EYS: variants seen among roughly 807,000 people sequenced by gnomAD.
The protein encoded by EYS is protein eyes shut homolog.
A neutral mutation model predicts 282.1 loss-of-function variants in EYS; 250 were observed. The observed-to-expected ratio is 0.89, with a 90% CI of 0.80 to 0.98. EYS has a LOEUF of 0.98. Among genes scored for constraint, EYS ranks in the 50% least tolerant of loss-of-function variants. The pLI, the probability that EYS is intolerant of heterozygous loss-of-function variation, is 0.00. For synonymous variants in EYS, 1,355 were observed against 1,282.9 expected, an observed-to-expected ratio of 1.06 and a Z score of -1.20; for missense variants, 4,016 against 3,709.0, an observed-to-expected ratio of 1.08 and a Z score of -2.15.
At chr6:64,096,727 C>T (rs777535170) in intron 31 of EYS, among the ~76,000 whole-genome samples, 2 of 152,062 alleles carry the variant, frequency 1.3e-5, no homozygotes, top group Admixed American at 6.6e-5. Flanking sequence ...GTAGTTTGAT[C>T]GTCTGAAGCC....
At chr6:65,248,717 G>GT (rs1767243856) in intron 12 of EYS, among the ~76,000 whole-genome samples, 1 of 151,824 alleles carries the variant, frequency 6.6e-6, no homozygotes, top group African/African-American at 2.4e-5. Context: ...TTAGGGTGAC[G>GT]TATATTCAAG....
chr6:64,831,589 T>C (rs936741893), intron 19 of EYS, among the ~76,000 whole-genome samples: 2 of 151,890 alleles, frequency 1.3e-5, no homozygotes, highest in Admixed American at 6.6e-5. Context: ...ATGATGATAA[T>C]GATGTTCATT....
rs765596305 is a variant in EYS, at chr6:65,565,244, CAAAAAAAAAAAAAA to C, written c.-332-69265_-332-69252del. ...TGGGCGACAGAGCGAGACTCCGTCT[CAAAAAAAAAAAAAA>C]AAAAAAAAAAAAAAAAAAAGTGGGT... On this transcript the variant is annotated intron_variant, in intron 2 of 42. Coordinates refer to ENST00000503581, the MANE Select transcript of EYS (RefSeq NM_001142800.2). Among the ~76,000 whole-genome samples the C allele has an allele frequency of 1.9e-3, 3 of 1,618 alleles. 1 individual carries two copies. The highest frequency in any genetic ancestry group is 0.17 in the South Asian group (2 of 12). The allele number at this position is 1,618 out of a possible 152,430, so 1.1% of individuals were successfully genotyped here. A position where few individuals can be genotyped will look rare whatever the true frequency, so the allele number is the denominator to read the frequency against.
At chr6:64,408,402 A>G (rs1371768283) in intron 28 of EYS, among the ~76,000 whole-genome samples, 1 of 152,172 alleles carries the variant, frequency 6.6e-6, no homozygotes, top group East Asian at 1.9e-4. Flanking sequence ...TAAGAACAAC[A>G]TGAAGGACAA....
intron 39 of EYS, chr6:63,779,224 C>G (rs1409481167): frequency 6.6e-6 from 1 of 151,376 alleles, no homozygotes; most frequent in Admixed American, 6.6e-5. Flanking sequence ...TTTGGGAGGC[C>G]GAGGCGGGTG....
chr6:65,212,282 G>T (rs924371975), intron 12 of EYS, among the ~76,000 whole-genome samples: 1 of 151,690 alleles, frequency 6.6e-6, no homozygotes, highest in Non-Finnish European at 1.5e-5. Flanking sequence ...AGAATATGGT[G>T]GTCTAACATA....
chr6:64,799,938 A>G (rs1391942032), intron 22 of EYS, among the ~76,000 whole-genome samples: 2 of 151,948 alleles, frequency 1.3e-5, no homozygotes, highest in Non-Finnish European at 2.9e-5. Context: ...TCTCTATAAT[A>G]TACATGCCCA....
intron 26 of EYS, among the ~76,000 whole-genome samples, chr6:64,589,673 T>A (rs931522500): frequency 1.3e-5 from 2 of 152,102 alleles, no homozygotes; most frequent in African/African-American, 4.8e-5. Flanking sequence ...AATTTTTGCA[T>A]AGTGCTTTTG....
At chr6:65,511,505 T>A (rs1241261351) in intron 2 of EYS, among the ~76,000 whole-genome samples, 1 of 152,150 alleles carries the variant, frequency 6.6e-6, no homozygotes, top group Non-Finnish European at 1.5e-5. Context: ...TATCACACAG[T>A]CTTATAGGCA....
intron 35 of EYS, among the ~76,000 whole-genome samples, chr6:63,871,894 A>G (rs559207831): frequency 1.3e-5 from 2 of 151,904 alleles, no homozygotes; most frequent in South Asian, 4.2e-4. Context: ...CGCGCAGGAA[A>G]CTCAGTGCTG....
intron 32 of EYS, among the ~76,000 whole-genome samples, chr6:64,072,035 G>A (rs1369245936): frequency 6.6e-6 from 1 of 151,810 alleles, no homozygotes; most frequent in Non-Finnish European, 1.5e-5. Flanking sequence ...TCCCATTAGT[G>A]CTGCGCTTCA....
intron 12 of EYS, among the ~76,000 whole-genome samples, chr6:65,270,798 T>C (rs1767878143): frequency 6.6e-6 from 1 of 152,040 alleles, no homozygotes; most frequent in African/African-American, 2.4e-5. Context: ...CACAGATCAC[T>C]TCTGCTCCAT....
At chr6:65,234,314 T>TG (rs1766866190) in intron 12 of EYS, among the ~76,000 whole-genome samples, 1 of 152,166 alleles carries the variant, frequency 6.6e-6, no homozygotes, top group East Asian at 1.9e-4. Flanking sequence ...GTGGTGTTAT[T>TG]ATTTCCTGGT....
At chr6:63,945,904 G>A (rs1308425955) in intron 35 of EYS, among the ~76,000 whole-genome samples, 1 of 152,168 alleles carries the variant, frequency 6.6e-6, no homozygotes, top group African/African-American at 2.4e-5. Context: ...GGCTTCACAA[G>A]TATTTGTCCC....
chr6:64,623,493 T>C (rs1767510682), intron 23 of EYS, among the ~76,000 whole-genome samples: 1 of 152,124 alleles, frequency 6.6e-6, no homozygotes, highest in Non-Finnish European at 1.5e-5. Flanking sequence ...AATTAGTTAA[T>C]ACATCTAAAA....
chr6:65,263,737 G>GTGTC (rs1279900790), intron 12 of EYS, among the ~76,000 whole-genome samples: 1 of 150,542 alleles, frequency 6.6e-6, no homozygotes, highest in Non-Finnish European at 1.5e-5. Context: ...GTGTGTGTGT[G>GTGTC]TGTAATTTAA....
At chr6:64,496,436 G>A (rs1458331861) in intron 26 of EYS, among the ~76,000 whole-genome samples, 1 of 151,840 alleles carries the variant, frequency 6.6e-6, no homozygotes, top group Non-Finnish European at 1.5e-5. Flanking sequence ...AAGGCACAAG[G>A]GCTCTGACTT....
chr6:65,271,557 GGCC>G (rs1310997859), intron 12 of EYS, among the ~76,000 whole-genome samples: 2 of 151,712 alleles, frequency 1.3e-5, no homozygotes, highest in Non-Finnish European at 2.9e-5. Flanking sequence ...GGAATCCAGT[GGCC>G]CAGTCAAGTT....
chr6:64,107,750 G>A (rs1194118719), intron 31 of EYS, among the ~76,000 whole-genome samples: 3 of 152,030 alleles, frequency 2.0e-5, no homozygotes, highest in East Asian at 1.9e-4. Flanking sequence ...TAGTCATAAC[G>A]TATTGGGTAA....
Sources: allele counts gnomAD v4.1 joint callset (sites outside exome capture counted in the v4.1 genomes callset), GRCh38; gene constraint gnomAD v4.1.1; transcripts MANE v1.5; gene names NCBI Gene and HGNC (gene_info 2026-07-23, HGNC 2026-07-21).